The following CDK11A variants were observed in gnomAD, a reference collection of about 807,000 sequenced individuals.
CDK11A encodes the protein cyclin dependent kinase 11A.
CDK11A carries 55 observed loss-of-function variants against 83.6 expected under a neutral mutation model. The observed-to-expected ratio is 0.66, with a 90% CI of 0.53 to 0.82. The LOEUF is 0.82. CDK11A is among the 40% of genes least tolerant of loss of function. The pLI is 0.00. For missense variants in CDK11A, 564 were observed against 810.1 expected, an observed-to-expected ratio of 0.70 and a Z score of 3.69; for synonymous variants, 247 against 302.7, an observed-to-expected ratio of 0.82 and a Z score of 1.91.
chr1:1,708,073 C>A (rs953907584), intron 10 of CDK11A, 107 bp downstream of exon 10: 1 of 1,527,940 alleles, frequency 6.5e-7, no homozygotes, highest in African/African-American at 1.4e-5. Flanking sequence ...AGGCGGCCTC[C>A]CAGACCCTGG....
At chr1:1,719,041 A>T (rs896131180) in intron 4 of CDK11A, 1 of 208,070 alleles carries the variant, frequency 4.8e-6, no homozygotes, top group Admixed American at 6.3e-5. Context: ...GGCCTGTGAC[A>T]CACGCATGCT....
At chr1:1,722,290 C>G (rs1284869181) in intron 2 of CDK11A, among the ~76,000 whole-genome samples, 1 of 150,674 alleles carries the variant, frequency 6.6e-6, no homozygotes, top group African/African-American at 2.4e-5. Flanking sequence ...AAAAGAGGTA[C>G]TTTGCCAATG....
intron 13 of CDK11A, 59 bp from the exon 14 acceptor site, chr1:1,704,714 C>T (rs1644244170): frequency 6.3e-7 from 1 of 1,598,684 alleles, no homozygotes; most frequent in Non-Finnish European, 8.5e-7. Context: ...ACCCCTGCAC[C>T]CGGGCGCAGA....
intron 4 of CDK11A, among the ~76,000 whole-genome samples, chr1:1,717,140 A>G (rs1184396142): frequency 6.6e-6 from 1 of 151,086 alleles, no homozygotes; most frequent in African/African-American, 2.4e-5. Flanking sequence ...AGAAAGAAGA[A>G]AAAAGAAAAA....
intron 4 of CDK11A, among the ~76,000 whole-genome samples, chr1:1,718,107 T>C (rs1570425485): frequency 2.1e-5 from 3 of 143,110 alleles, no homozygotes; most frequent in African/African-American, 7.8e-5. Flanking sequence ...GAGTTTGCTC[T>C]TTCTGGTTTT....
intron 10 of CDK11A, among the ~76,000 whole-genome samples, 171 bp downstream of exon 10, chr1:1,708,009 G>A (rs896670593): frequency 6.8e-6 from 1 of 146,708 alleles, no homozygotes; most frequent in African/African-American, 2.6e-5. Context: ...TCAGCACTGT[G>A]CCTCGCTGAG....
chr1:1,706,276 T>C (rs1052014172), intron 11 of CDK11A, among the ~76,000 whole-genome samples: 1 of 151,004 alleles, frequency 6.6e-6, no homozygotes, highest in African/African-American at 2.4e-5. Flanking sequence ...TTTCACCATA[T>C]TGGCCAGGCT....
chr1:1,715,079 G>A (rs1346431528), intron 5 of CDK11A, among the ~76,000 whole-genome samples: 2 of 144,678 alleles, frequency 1.4e-5, no homozygotes, highest in Non-Finnish European at 3.1e-5. Context: ...CAAGTGCAGA[G>A]TGGAAGCAGT....
Position 1,706,791 on chromosome 1 carries a change from G to T in CDK11A, c.1245+618C>A, listed in dbSNP as rs867096437. Among the ~76,000 whole-genome samples, 31 of 150,676 alleles carry T rather than the reference G, an allele frequency of 2.1e-4. 1 individual carries two copies. Among genetic ancestry groups the T allele is most frequent in the Admixed American group, 1.4e-3 (21 of 15,116 alleles). On this transcript the variant is annotated intron_variant, in intron 11 of 19. Coordinates refer to ENST00000404249, the MANE Select transcript of CDK11A (RefSeq NM_024011.4). ...GGCAGAGGCGCTCACAAGGCATAGG[G>T]CAGTCGACAGAGGCCTGCTGCATGC... is the stretch of plus-strand genomic sequence containing the variant.
At chr1:1,713,884 C>T (rs1225117138) in intron 5 of CDK11A, among the ~76,000 whole-genome samples, 1 of 42,804 alleles carries the variant, frequency 2.3e-5, no homozygotes, top group African/African-American at 3.9e-5. Flanking sequence ...CCAGTCTCTG[C>T]TTCTCAGGGA....
At position 1,714,147 on chromosome 1, in the gene CDK11A, C is replaced by T. The variant is rs1282219610; in HGVS notation, c.489-1747G>A. 4.8e-5 allele frequency among the ~76,000 whole-genome samples: 2 copies of T among 41,538 alleles called. 1 individual carries two copies. Among genetic ancestry groups the T allele is most frequent in the African/African-American group, 7.8e-5 (2 of 25,504 alleles). The allele number at this position is 41,538 out of a possible 152,430, so 27.3% of individuals were successfully genotyped here. A position where few individuals can be genotyped will look rare whatever the true frequency, so the allele number is the denominator to read the frequency against. ...TTTGCATTTATTCTAGTTCAAACTT[C>T]CTGTGCTCTTGAATGTGCATATTTT... On this transcript the variant is annotated intron_variant, in intron 5 of 19. Transcript: ENST00000404249.
In CDK11A at chr1:1,704,308, C is replaced by A. The variant is rs1250675952; in HGVS notation, c.1601G>T (p.Gly534Val). Residue 534 changes from glycine to valine, a missense_variant, in exon 15 of 20, where the codon GGG becomes GTG. Around this residue, in one of 5 missense-constraint regions of CDK11A, gnomAD observed 361 missense variants for 402.7 expected, o/e 0.90. Coordinates refer to ENST00000404249, the MANE Select transcript of CDK11A (RefSeq NM_024011.4). ...CCAGTTGTCGTGCAGGTGTTTCACC[C>A]CCCGCAGCAGCTGGATCATCAGGGT... is the stretch of plus-strand genomic sequence containing the variant. ...VKTLMIQLLR[G>V]VKHLHDNWIL... 1.2e-6 allele frequency: 2 copies of A among 1,607,524 alleles called. No individual in the cohort carries two copies. The highest frequency in any genetic ancestry group is 1.7e-6 in the Non-Finnish European group (2 of 1,176,102).
At chr1:1,704,401 G>A in intron 14 of CDK11A, 57 bp from the exon 15 acceptor site, 1 of 1,597,376 alleles carries the variant, frequency 6.3e-7, no homozygotes, top group Non-Finnish European at 8.5e-7. Flanking sequence ...AGGGCACTCA[G>A]GGTGGCCCGC....
chr1:1,720,859 T>C (rs72909039), intron 3 of CDK11A, among the ~76,000 whole-genome samples: 3,303 of 151,190 alleles, frequency 0.022, 212 homozygotes, highest in African/African-American at 0.075. Flanking sequence ...GCCAGGCTAA[T>C]TTTTGTATTT....
chr1:1,714,988 T>A (rs61776851), intron 5 of CDK11A, among the ~76,000 whole-genome samples: 1 of 149,424 alleles, frequency 6.7e-6, no homozygotes, highest in Non-Finnish European at 1.5e-5. Context: ...CCCACTGCTC[T>A]AAACGGAGTA....
chr1:1,708,382 T>G (rs1644401532), intron 9 of CDK11A, 137 bp from the exon 10 acceptor site: 1 of 1,432,070 alleles, frequency 7.0e-7, no homozygotes, highest in African/African-American at 1.6e-5. Flanking sequence ...GGCTCACGCC[T>G]GTAATCCCAG....
chr1:1,707,939 G>A (rs1340747842), intron 10 of CDK11A, among the ~76,000 whole-genome samples: 1 of 137,520 alleles, frequency 7.3e-6, no homozygotes, highest in African/African-American at 3.2e-5. Context: ...CTCCCCTGTG[G>A]GGAACTGGTC....
chr1:1,715,926 GA>G (rs1320286809), intron 5 of CDK11A, among the ~76,000 whole-genome samples: 5 of 150,800 alleles, frequency 3.3e-5, no homozygotes, highest in Non-Finnish European at 5.9e-5. Flanking sequence ...AGGTTTTTGG[GA>G]TCTCCCTTCT....
At position 1,702,727 on chromosome 1, in the gene CDK11A, C is replaced by G; in HGVS notation, c.*180G>C. The G allele has an allele frequency of 3.3e-6, 2 of 611,116 alleles. No homozygotes were observed. Among genetic ancestry groups the G allele is most frequent in the Admixed American group, 5.7e-5 (2 of 35,336 alleles). 37.9% of individuals were successfully genotyped at this position (611,116 alleles called of 1,614,324 possible). ...CTGGCAAGTCACGGAGAAAACACAG[C>G]TCTTTCCTCCACAACAAGGAAAATG... On this transcript the variant is annotated 3_prime_UTR_variant, in exon 20 of 20. Coordinates refer to ENST00000404249, the MANE Select transcript of CDK11A (RefSeq NM_024011.4).
Sources: allele counts gnomAD v4.1 joint callset (sites outside exome capture counted in the v4.1 genomes callset), GRCh38; gene constraint gnomAD v4.1.1; regional missense constraint gnomAD v4.1.1; transcripts MANE v1.5; gene names NCBI Gene and HGNC (gene_info 2026-07-23, HGNC 2026-07-21).